The following HDAC9 variants were observed in gnomAD, a reference collection of about 807,000 sequenced individuals.
The protein encoded by HDAC9 is MEF-2 interacting transcription repressor (MITR) protein.
In HDAC9, 41 loss-of-function variants were observed where a neutral mutation model predicts 139.4. The ratio of observed to expected loss-of-function variants is 0.29; its 90% CI spans 0.23 to 0.38. The LOEUF is 0.38. HDAC9 is among the 10% of genes least tolerant of loss of function. HDAC9 has a pLI of 1.00. For missense variants in HDAC9, 1,147 were observed against 1,297.0 expected (o/e 0.88, Z 1.78); for synonymous variants, 517 against 476.2 (o/e 1.09, Z -1.12).
intron 25 of HDAC9, among the ~76,000 whole-genome samples, chr7:18,978,671 A>G (rs937014664): frequency 1.3e-5 from 2 of 152,232 alleles, no homozygotes; most frequent in Non-Finnish European, 2.9e-5. Flanking sequence ...CACATATAGC[A>G]TACTACTTAG....
chr7:18,317,866 C>G (rs899667564), intron 1 of HDAC9, among the ~76,000 whole-genome samples: 1 of 152,104 alleles, frequency 6.6e-6, no homozygotes, highest in Non-Finnish European at 1.5e-5. Flanking sequence ...AACAGAAATC[C>G]GTGTTGCCAA....
intron 1 of HDAC9, among the ~76,000 whole-genome samples, chr7:18,292,424 G>A (rs993053261): frequency 8.5e-5 from 13 of 152,076 alleles, no homozygotes; most frequent in Admixed American, 2.0e-4. Context: ...GATGAAAGTC[G>A]TCAGTATTCC....
chr7:18,651,149 C>G (rs964090037), intron 11 of HDAC9, among the ~76,000 whole-genome samples: 2 of 152,092 alleles, frequency 1.3e-5, no homozygotes, highest in African/African-American at 4.8e-5. Flanking sequence ...AACTTAGATG[C>G]CCAAAGCTAA....
intron 22 of HDAC9, chr7:18,892,467 C>T (rs937514065): frequency 2.6e-5 from 4 of 152,092 alleles, no homozygotes; most frequent in African/African-American, 9.7e-5. Context: ...GGTCTGGCAT[C>T]AGAGCTAGTG....
intron 2 of HDAC9, among the ~76,000 whole-genome samples, chr7:18,518,780 T>C (rs376831605): frequency 3.3e-5 from 5 of 152,352 alleles, no homozygotes; most frequent in East Asian, 3.9e-4. Context: ...CATAGATATC[T>C]TTAAAATCAG....
intron 1 of HDAC9, among the ~76,000 whole-genome samples, chr7:18,456,954 CG>C (rs1241313265): frequency 1.3e-5 from 2 of 152,112 alleles, no homozygotes; most frequent in African/African-American, 4.8e-5. Context: ...TAGCTATACT[CG>C]GGAGTCACAC....
intron 1 of HDAC9, among the ~76,000 whole-genome samples, chr7:18,423,319 A>G (rs933345336): frequency 2.0e-5 from 3 of 152,222 alleles, no homozygotes; most frequent in Admixed American, 1.3e-4. Flanking sequence ...GAGGCTATGT[A>G]TATAGTTTAA....
At chr7:18,680,519 TA>T (rs1781821970) in intron 12 of HDAC9, among the ~76,000 whole-genome samples, 1 of 151,988 alleles carries the variant, frequency 6.6e-6, no homozygotes, top group South Asian at 2.1e-4. Context: ...AGACGGCCCC[TA>T]AAGTGAATTT....
chr7:18,590,856 TA>T (rs148586463), intron 4 of HDAC9, among the ~76,000 whole-genome samples: 24,603 of 152,162 alleles, frequency 0.16, 2,490 homozygotes, highest in Non-Finnish European at 0.22. Context: ...AATTGCTCTC[TA>T]AGTAAAGCCT....
chr7:18,967,509 A>G (rs533775427), intron 24 of HDAC9, among the ~76,000 whole-genome samples: 2 of 130,878 alleles, frequency 1.5e-5, no homozygotes, highest in Non-Finnish European at 1.6e-5. Context: ...CCCCCCCCAA[A>G]AAAAAAAAAG....
intron 2 of HDAC9, among the ~76,000 whole-genome samples, chr7:18,560,601 T>G (rs1400558407): frequency 6.6e-6 from 1 of 152,128 alleles, no homozygotes; most frequent in Non-Finnish European, 1.5e-5. Context: ...GGAATATGCG[T>G]TTTTCTCTTC....
At chr7:18,672,957 ATACTGT>A (rs1196247652) in intron 12 of HDAC9, among the ~76,000 whole-genome samples, 1 of 151,810 alleles carries the variant, frequency 6.6e-6, no homozygotes. Context: ...CTAACTTTTG[ATACTGT>A]TACTTTTTTC....
chr7:18,117,556 A>G (rs1470200980), intron 1 of HDAC9, among the ~76,000 whole-genome samples: 1 of 152,090 alleles, frequency 6.6e-6, no homozygotes, highest in Non-Finnish European at 1.5e-5. Context: ...CCGCAGGGAA[A>G]ACACCATGTG....
intron 2 of HDAC9, among the ~76,000 whole-genome samples, chr7:18,224,875 C>G (rs1321598975): frequency 6.6e-6 from 1 of 151,976 alleles, no homozygotes. Flanking sequence ...AACATTGAAC[C>G]TTCCCTTTGT....
chr7:18,657,926 C>G (rs1791771626), intron 11 of HDAC9, among the ~76,000 whole-genome samples: 1 of 152,116 alleles, frequency 6.6e-6, no homozygotes, highest in African/African-American at 2.4e-5. Context: ...TTCCCTCTCT[C>G]TCTAGGCTCC....
intron 12 of HDAC9, among the ~76,000 whole-genome samples, chr7:18,679,234 G>A (rs184835488): frequency 6.6e-5 from 10 of 151,906 alleles, no homozygotes; most frequent in Non-Finnish European, 1.5e-4. Context: ...TTGGATTTTG[G>A]TACTCTTTAC....
chr7:18,159,190 A>G (rs543016288), intron 1 of HDAC9, among the ~76,000 whole-genome samples: 2 of 152,342 alleles, frequency 1.3e-5, no homozygotes, highest in East Asian at 3.9e-4. Context: ...CATTGAAACC[A>G]TTAATTGGAA....
intron 17 of HDAC9, among the ~76,000 whole-genome samples, chr7:18,799,970 A>C (rs552572081): frequency 7.2e-5 from 11 of 152,336 alleles, no homozygotes; most frequent in African/African-American, 2.6e-4. Context: ...ACCATAATGA[A>C]ACCATTGAAA....
At chr7:18,809,601 C>G (rs1299239810) in intron 17 of HDAC9, among the ~76,000 whole-genome samples, 1 of 151,860 alleles carries the variant, frequency 6.6e-6, no homozygotes, top group Non-Finnish European at 1.5e-5. Flanking sequence ...AGGCATATAT[C>G]TGGCCAACAG....
Sources: allele counts gnomAD v4.1 joint callset (sites outside exome capture counted in the v4.1 genomes callset), GRCh38; gene constraint gnomAD v4.1.1; transcripts MANE v1.5; gene names NCBI Gene and HGNC (gene_info 2026-07-23, HGNC 2026-07-21).